The following ADGRL2 variants were observed in gnomAD, a reference collection of about 807,000 sequenced individuals.
The protein encoded by ADGRL2 is adhesion G protein-coupled receptor L2.
A neutral mutation model predicts 157.4 loss-of-function variants in ADGRL2; 44 were observed. That is an observed-to-expected ratio of 0.28 (90% CI 0.22 to 0.36). The LOEUF is 0.36. Among genes scored for constraint, ADGRL2 ranks in the 10% least tolerant of loss-of-function variants. The probability of loss-of-function intolerance (pLI) is 1.00; values close to 1 mark genes in which losing one functional copy is unlikely to be tolerated. For missense variants in ADGRL2, 1,510 were observed against 1,768.9 expected (o/e 0.85, Z 2.63); for synonymous variants, 585 against 624.7 (o/e 0.94, Z 0.95).
intron 2 of ADGRL2, among the ~76,000 whole-genome samples, chr1:81,547,300 G>A (rs916650747): frequency 6.6e-6 from 1 of 152,172 alleles, no homozygotes; most frequent in Non-Finnish European, 1.5e-5. Context: ...TTAAGCAGAA[G>A]GAACCTGTAA....
At chr1:81,939,029 AC>A (rs1424314384) in intron 4 of ADGRL2, among the ~76,000 whole-genome samples, 1 of 151,538 alleles carries the variant, frequency 6.6e-6, no homozygotes, top group African/African-American at 2.4e-5. Flanking sequence ...TGTGTTTTTT[AC>A]CACTTGGCTT....
chr1:81,599,637 A>C (rs1239467913), intron 3 of ADGRL2, among the ~76,000 whole-genome samples: 1 of 152,184 alleles, frequency 6.6e-6, no homozygotes, highest in African/African-American at 2.4e-5. Flanking sequence ...AAATCAACAT[A>C]ATAATTCATC....
intron 1 of ADGRL2, among the ~76,000 whole-genome samples, chr1:81,375,330 T>C (rs66853727): frequency 0.076 from 11,516 of 152,066 alleles, 549 homozygotes; most frequent in Middle Eastern, 0.15. Context: ...AGCCAGAAGA[T>C]GAAGTGGAGC....
chr1:81,369,580 A>G (rs1310197955), intron 1 of ADGRL2, among the ~76,000 whole-genome samples: 1 of 152,158 alleles, frequency 6.6e-6, no homozygotes, highest in Non-Finnish European at 1.5e-5. Flanking sequence ...TCTGAAAGCA[A>G]TCTTGCTTCA....
At chr1:81,456,413 T>A (rs974387194) in intron 2 of ADGRL2, among the ~76,000 whole-genome samples, 6 of 152,040 alleles carry the variant, frequency 3.9e-5, no homozygotes, top group African/African-American at 1.4e-4. Context: ...ATTATTATTA[T>A]TTTTTGTAGA....
intron 23 of ADGRL2, chr1:81,990,136 G>A: frequency 1.0e-6 from 1 of 985,310 alleles, no homozygotes; most frequent in South Asian, 4.7e-5. Flanking sequence ...ACTGTCTCCT[G>A]AAATTGATAA....
At chr1:81,935,339 C>A (rs966272675) in intron 3 of ADGRL2, among the ~76,000 whole-genome samples, 11 of 151,876 alleles carry the variant, frequency 7.2e-5, no homozygotes, top group Non-Finnish European at 1.3e-4. Flanking sequence ...CTATTATAAT[C>A]ATGATAAAAG....
At chr1:81,518,423 A>G (rs1384068740) in intron 2 of ADGRL2, among the ~76,000 whole-genome samples, 1 of 152,176 alleles carries the variant, frequency 6.6e-6, no homozygotes, top group Non-Finnish European at 1.5e-5. Context: ...CAAGCTTCAC[A>G]TTTTGTGAAG....
intron 2 of ADGRL2, among the ~76,000 whole-genome samples, chr1:81,570,378 G>A (rs748434481): frequency 2.6e-5 from 4 of 151,718 alleles, no homozygotes; most frequent in Non-Finnish European, 4.4e-5. Flanking sequence ...TATTACATTC[G>A]TTTGTTTGTT....
At chr1:81,916,369 G>C (rs548476644) in intron 3 of ADGRL2, among the ~76,000 whole-genome samples, 6 of 152,228 alleles carry the variant, frequency 3.9e-5, no homozygotes, top group African/African-American at 1.4e-4. Flanking sequence ...ACTTTGAACA[G>C]ATAAGAATAG....
At position 81,452,704 on chromosome 1, in the gene ADGRL2, T is replaced by C. The variant is rs149041866; in HGVS notation, c.-248+7615T>C. 2.2e-3 allele frequency among the ~76,000 whole-genome samples: 339 copies of C among 152,304 alleles called. 1 individual carries two copies. Among genetic ancestry groups the C allele is most frequent in the African/African-American group, 7.3e-3 (302 of 41,566 alleles). On this transcript the variant is annotated intron_variant, in intron 2 of 24. Coordinates refer to the ADGRL2 transcript ENST00000370721. ...TATTTTTCACACCACCTAAAAGAGA[T>C]ATCAGAGACTATCCAAGTTGAATCC... is the stretch of plus-strand genomic sequence containing the variant.
In ADGRL2 at chr1:81,952,150, G is replaced by A. The variant is rs1454050488; in HGVS notation, c.1794+8G>A. 3 of 1,594,406 alleles carry A rather than the reference G, an allele frequency of 1.9e-6. No homozygotes were observed. The highest frequency in any genetic ancestry group is 2.6e-6 in the Non-Finnish European group (3 of 1,168,524). ...GGACGGAGTTATAACAAGGTAGAGA[G>A]AACTCTTCTGTTATTTTGAATTAGA... On this transcript the variant is annotated splice_region_variant and intron_variant, in intron 9 of 23. Coordinates refer to ENST00000686636, the MANE Select transcript of ADGRL2 (RefSeq NM_001366006.2).
intron 3 of ADGRL2, among the ~76,000 whole-genome samples, chr1:81,908,440 T>A (rs2094633761): frequency 6.6e-6 from 1 of 152,210 alleles, no homozygotes; most frequent in Admixed American, 6.5e-5. Context: ...TTCATTTCTT[T>A]TTAGAATGGA....
rs113438263 is a variant in ADGRL2, at chr1:81,315,252, G to A, written c.-302+8743G>A. 2.5e-3 allele frequency among the ~76,000 whole-genome samples: 376 copies of A among 152,180 alleles called. 2 individuals carry two copies. The highest frequency in any genetic ancestry group is 8.6e-3 in the African/African-American group (356 of 41,524). On this transcript the variant is annotated intron_variant, in intron 1 of 24. Transcript: ENST00000370721. ...TGATTAGAGGTAGAGATTTGTTCAT[G>A]TGATACAATATCATTGGATAAGTGG...
rs1404825975 is a variant in ADGRL2 at position 81,800,973 on chromosome 1, A to G, written c.-196A>G. Reference sequence around the variant, plus strand: ...GTCCCTCGCCGCCACCGCCGCCCGGACAGCCCTGCGGCCGCCCCGCCGGCG... The same window carrying G: ...GTCCCTCGCCGCCACCGCCGCCCGGGCAGCCCTGCGGCCGCCCCGCCGGCG... On this transcript the variant is annotated 5_prime_UTR_variant, in exon 1 of 24. Coordinates refer to ENST00000686636, the MANE Select transcript of ADGRL2 (RefSeq NM_001366006.2). Among the ~76,000 whole-genome samples the G allele has an allele frequency of 2.0e-5, 3 of 149,448 alleles. No homozygotes were observed. The highest frequency in any genetic ancestry group is 4.5e-5 in the Non-Finnish European group (3 of 67,204).
intron 3 of ADGRL2, among the ~76,000 whole-genome samples, chr1:81,600,477 C>T (rs921867218): frequency 1.3e-5 from 2 of 152,180 alleles, no homozygotes; most frequent in East Asian, 1.9e-4. Context: ...TTAGGGCAAA[C>T]GCAGAGAGAT....
chr1:81,903,273 T>C (rs1023502407), intron 2 of ADGRL2, among the ~76,000 whole-genome samples: 1 of 152,216 alleles, frequency 6.6e-6, no homozygotes, highest in Non-Finnish European at 1.5e-5. Flanking sequence ...TCTACAAATA[T>C]GATTTTCACT....
intron 1 of ADGRL2, among the ~76,000 whole-genome samples, chr1:81,340,893 GT>G (rs34286374): frequency 2.5e-3 from 365 of 145,110 alleles, no homozygotes; most frequent in East Asian, 9.2e-3. Context: ...GGGAGCAAAG[GT>G]TTTTTTTTTT....
intron 1 of ADGRL2, among the ~76,000 whole-genome samples, chr1:81,835,518 C>T (rs1372967315): frequency 6.6e-6 from 1 of 152,094 alleles, no homozygotes; most frequent in Non-Finnish European, 1.5e-5. Context: ...TATGGGAGCT[C>T]AGAGTGAAAA....
Sources: gnomAD v4.1 joint callset for allele counts (sites outside exome capture counted in the v4.1 genomes callset) on GRCh38, gnomAD v4.1.1 for gene constraint, MANE v1.5 for transcripts, NCBI Gene and HGNC (gene_info 2026-07-23, HGNC 2026-07-21) for gene names.